The following LINC00632 variants were observed in gnomAD, a reference collection of about 807,000 sequenced individuals.
The protein encoded by LINC00632 is long independently transcribed non-coding RNA 632.
exon 5 of LINC00632, among the ~76,000 whole-genome samples, chrX:140,780,486 T>C (rs1456244544): frequency 8.9e-6 from 1 of 112,052 alleles, no homozygotes; most frequent in Non-Finnish European, 1.9e-5. Flanking sequence ...ATTTGTGTAG[T>C]GACTAGAGGT....
chrX:140,760,825 A>G (rs1931584296), intron 3 of LINC00632, among the ~76,000 whole-genome samples: 1 of 111,788 alleles, frequency 8.9e-6, no homozygotes. Context: ...GTCATGTCCG[A>G]GCTAGAGAGT....
intron 3 of LINC00632, among the ~76,000 whole-genome samples, chrX:140,748,339 T>A (rs752543074): frequency 3.6e-5 from 4 of 112,190 alleles, no homozygotes; most frequent in Admixed American, 1.9e-4. Flanking sequence ...TTTGGGAAAA[T>A]ATGCTTCTTG....
At chrX:140,750,447 G>A (rs1931394407) in intron 3 of LINC00632, among the ~76,000 whole-genome samples, 1 of 110,226 alleles carries the variant, frequency 9.1e-6, no homozygotes, top group Non-Finnish European at 1.9e-5. Context: ...TAATACATAT[G>A]TTAATTAGTT....
At chrX:140,790,442 T>G (rs1377391274) in exon 5 of LINC00632, among the ~76,000 whole-genome samples, 1 of 111,538 alleles carries the variant, frequency 9.0e-6, no homozygotes, top group African/African-American at 3.3e-5. Context: ...AGCTAGTACC[T>G]CACTGCTTTA....
chrX:140,710,382 G>A (rs1930489275), intron 1 of LINC00632, among the ~76,000 whole-genome samples: 1 of 111,804 alleles, frequency 8.9e-6, no homozygotes, highest in South Asian at 3.7e-4. Context: ...TGTATTCAAT[G>A]AGAAACATTA....
At chrX:140,765,874 T>G (rs924676676) in intron 3 of LINC00632, among the ~76,000 whole-genome samples, 48 of 112,111 alleles carry the variant, frequency 4.3e-4, no homozygotes, top group African/African-American at 1.5e-3. Flanking sequence ...TTTTGTCTTA[T>G]GCGGGCCAGT....
chrX:140,758,372 CTTTTTTTTTT>C (rs35668777), intron 3 of LINC00632, among the ~76,000 whole-genome samples: 4,393 of 69,801 alleles, frequency 0.063, 234 homozygotes, highest in African/African-American at 0.2. Context: ...CTACATTTTC[CTTTTTTTTTT>C]TTTTTTTTTT....
chrX:140,744,650 A>T (rs984988010), intron 3 of LINC00632, among the ~76,000 whole-genome samples: 2 of 106,483 alleles, frequency 1.9e-5, no homozygotes, highest in African/African-American at 3.4e-5. Flanking sequence ...GCTCACTGCA[A>T]CCTCTGCCTC....
intron 2 of LINC00632, among the ~76,000 whole-genome samples, chrX:140,721,903 C>T (rs1159578045): frequency 1.8e-5 from 2 of 110,609 alleles, no homozygotes; most frequent in African/African-American, 6.6e-5. Context: ...ATACCTAGAC[C>T]TACCCCAAAG....
exon 5 of LINC00632, among the ~76,000 whole-genome samples, chrX:140,776,723 G>T (rs1051801139): frequency 8.9e-6 from 1 of 111,895 alleles, no homozygotes; most frequent in Non-Finnish European, 1.9e-5. Context: ...CACTGTGGAA[G>T]ACAGTGTGGC....
intron 2 of LINC00632, among the ~76,000 whole-genome samples, chrX:140,724,292 TACAC>T (rs762932798): frequency 1.1e-5 from 1 of 86,979 alleles, no homozygotes; most frequent in Admixed American, 1.4e-4. Context: ...ACACATTCCA[TACAC>T]ACACACATTC....
exon 5 of LINC00632, chrX:140,783,898 G>A (rs1931975044): frequency 2.5e-6 from 3 of 1,206,603 alleles, no homozygotes; most frequent in Non-Finnish European, 3.4e-6. Context: ...GATAATTTGG[G>A]TCTTCCTGAA....
chrX:140,732,328 T>G (rs1162088626), intron 2 of LINC00632, among the ~76,000 whole-genome samples: 1 of 112,290 alleles, frequency 8.9e-6, no homozygotes, highest in Admixed American at 9.5e-5. Context: ...TCAGATGCCA[T>G]GTATACCCAC....
chrX:140,740,661 A>AAAAGT (rs1931210966), intron 3 of LINC00632, among the ~76,000 whole-genome samples: 1 of 110,736 alleles, frequency 9.0e-6, no homozygotes, highest in Non-Finnish European at 1.9e-5. Context: ...AAGCAAGGCC[A>AAAAGT]ACTTCATGAG....
In LINC00632 at chrX:140,776,419, G is replaced by A. The variant is rs146934521; in HGVS notation, n.4438G>A. Among the ~76,000 whole-genome samples, 106 of 112,883 alleles carry A rather than the reference G, an allele frequency of 9.4e-4. No homozygotes were observed. The East Asian group carries it at 0.027, about 28-fold the overall frequency. Reference sequence around the variant, plus strand: ...TTCCTCGTTGCCATCTATTGAAAGTGAGCCCTCCACACAAGGGTTTGTCTG... The same window carrying A: ...TTCCTCGTTGCCATCTATTGAAAGTAAGCCCTCCACACAAGGGTTTGTCTG... On this transcript the variant is annotated non_coding_transcript_exon_variant, in exon 5 of 5. Coordinates refer to ENST00000648200, the Ensembl canonical transcript of LINC00632.
At chrX:140,775,448 C>T (rs1931858955) in exon 5 of LINC00632, among the ~76,000 whole-genome samples, 1 of 112,152 alleles carries the variant, frequency 8.9e-6, no homozygotes, top group Non-Finnish European at 1.9e-5. Flanking sequence ...TAGGCTGAAC[C>T]TGCCTGTTCT....
intron 3 of LINC00632, among the ~76,000 whole-genome samples, chrX:140,753,986 A>G (rs1417537667): frequency 3.6e-5 from 4 of 110,622 alleles, no homozygotes; most frequent in African/African-American, 3.3e-5. Context: ...ATGTTGGCCA[A>G]GATGGTCTCG....
chrX:140,773,225 A>G (rs1401876601), exon 4 of LINC00632, among the ~76,000 whole-genome samples: 2 of 111,941 alleles, frequency 1.8e-5, no homozygotes, highest in Non-Finnish European at 3.8e-5. Flanking sequence ...AGAGAAGAGA[A>G]GAGAAGCTGT....
intron 3 of LINC00632, among the ~76,000 whole-genome samples, chrX:140,738,594 T>C (rs1366274873): frequency 1.8e-5 from 2 of 112,134 alleles, no homozygotes; most frequent in African/African-American, 3.2e-5. Context: ...CACAATCACA[T>C]GTGGCTATTT....
Sources: gnomAD v4.1 joint callset for allele counts (sites outside exome capture counted in the v4.1 genomes callset) on GRCh38, gnomAD v4.1.1 for gene constraint, MANE v1.5 for transcripts, NCBI Gene and HGNC (gene_info 2026-07-23, HGNC 2026-07-21) for gene names.